The following ABCA4 variants were observed in gnomAD, a reference collection of about 807,000 sequenced individuals.
The protein encoded by ABCA4 is retinal-specific phospholipid-transporting ATPase ABCA4.
In ABCA4, 196 loss-of-function variants were observed where a neutral mutation model predicts 263.7. That is an observed-to-expected ratio of 0.74 (90% CI 0.66 to 0.84). The LOEUF (loss-of-function observed/expected upper bound fraction) is 0.84, where lower values mean the gene tolerates loss of function less well. Ranked by LOEUF, ABCA4 falls within the 40% of genes least tolerant of loss-of-function variation. The pLI, the probability that ABCA4 is intolerant of heterozygous loss-of-function variation, is 0.00. For missense variants in ABCA4, 2,792 were observed against 2,855.1 expected (o/e 0.98, Z 0.50); for synonymous variants, 1,133 against 1,094.2 (o/e 1.04, Z -0.70).
Position 93,996,153 on chromosome 1 carries a change from G to A in ABCA4, c.6772C>T (p.Leu2258Phe), listed in dbSNP as rs757212387. Residue 2258 changes from leucine (L) to phenylalanine (F), a missense_variant, in exon 49 of 50, where the codon CTC (leucine) becomes TTC (phenylalanine). Coordinates refer to ENST00000370225, the MANE Select transcript of ABCA4 (RefSeq NM_000350.3). Reference protein sequence around the residue: ...FAKQQTESHDLPLHPRAAGAS... With the variant: ...FAKQQTESHDFPLHPRAAGAS... ...CCAGCAGCTCGAGGGTGCAGAGGGAGGTCATGACTTTCAGTCTGCTGTTTA... is the reference window on the plus strand; with the variant it reads ...CCAGCAGCTCGAGGGTGCAGAGGGAAGTCATGACTTTCAGTCTGCTGTTTA... 1.9e-6 allele frequency: 3 copies of A among 1,614,034 alleles called. No homozygotes were observed. In the East Asian group the frequency reaches 6.7e-5, roughly 36 times the overall value.
intron 17 of ABCA4, 104 bp from the exon 18 acceptor site, chr1:94,049,061 A>G (rs555058468): frequency 3.7e-6 from 4 of 1,087,144 alleles, no homozygotes; most frequent in Non-Finnish European, 5.6e-6. Flanking sequence ...TTTCCTAGCC[A>G]GCCTTTGACC....
Position 94,043,432 on chromosome 1 carries a change from C to G in ABCA4, c.3094G>C (p.Gly1032Arg), listed in dbSNP as rs771495707. The G allele has an allele frequency of 2.2e-5, 36 of 1,614,072 alleles. No homozygotes were observed. The highest frequency in any genetic ancestry group is 3.0e-5 in the Non-Finnish European group (35 of 1,180,046). The stretch of plus-strand genomic sequence containing the variant: ...AGCTGGGCCTCCTCCTGGGACTTTC[C>G]TTTCAGCTGGGCATAGAACAGCATG... Reference protein sequence around the residue: ...EHMLFYAQLKGKSQEEAQLEM... With the variant: ...EHMLFYAQLKRKSQEEAQLEM... The change falls in exon 21 of 50, where the codon GGA (glycine) becomes CGA (arginine). Residue 1032 changes from glycine (G) to arginine (R), a missense_variant. Physicochemically the swap from Gly to Arg is moderately radical, Grantham distance 125. Coordinates refer to ENST00000370225, the MANE Select transcript of ABCA4 (RefSeq NM_000350.3).
rs1659455791 is a variant in ABCA4 at position 94,008,356 on chromosome 1, A to G, written c.5836-59T>C. The stretch of plus-strand genomic sequence containing the variant: ...AGACAGGGTGAGAGCAAGGAGGGGA[A>G]GAGGGAACAAAGAGCAAAGGATGGT... On this transcript the variant is annotated intron_variant, in intron 41 of 49. Transcript: ENST00000370225. 6.5e-6 allele frequency: 10 copies of G among 1,545,356 alleles called. 1 individual carries two copies. In the South Asian group the frequency reaches 8.9e-5, roughly 14 times the overall value.
At chr1:94,060,486 G>A (rs752874064) in intron 14 of ABCA4, 51 bp downstream of exon 14, 1 of 1,553,276 alleles carries the variant, frequency 6.4e-7, no homozygotes, top group South Asian at 1.1e-5. Context: ...GAGGAAAGGG[G>A]AAAGGAACCA....
chr1:94,060,840 G>A (rs370651117), intron 13 of ABCA4, 81 bp from the exon 14 acceptor site: 6 of 1,198,204 alleles, frequency 5.0e-6, no homozygotes, highest in South Asian at 3.9e-5. Context: ...GAATGAATGT[G>A]TTGAGAACAA....
rs537763846 is a variant in ABCA4, at chr1:94,071,522, T to C, written c.1554+6168A>G. On this transcript the variant is annotated intron_variant, in intron 11 of 49. Transcript: ENST00000370225. The stretch of plus-strand genomic sequence containing the variant: ...GGCAGCTCTGGATTATAATTCCAGA[T>C]CCCCCATTTAGCTGTTGTGTTACAT... Among the ~76,000 whole-genome samples, 10 of 152,328 alleles carry C rather than the reference T, an allele frequency of 6.6e-5. 1 individual carries two copies. In the South Asian group the frequency reaches 2.1e-3, roughly 32 times the overall value.
intron 17 of ABCA4, among the ~76,000 whole-genome samples, chr1:94,050,226 A>G (rs1660798669): frequency 1.3e-5 from 2 of 152,224 alleles, no homozygotes; most frequent in African/African-American, 4.8e-5. Flanking sequence ...TTTACTAGCT[A>G]TCAAACTGCA....
intron 10 of ABCA4, among the ~76,000 whole-genome samples, 194 bp from the exon 11 acceptor site, chr1:94,078,081 T>C (rs1188185515): frequency 6.6e-6 from 1 of 152,146 alleles, no homozygotes; most frequent in African/African-American, 2.4e-5. Flanking sequence ...GTCTCTAGAA[T>C]AGAGGGAAGA....
At chr1:94,037,110 C>A in intron 25 of ABCA4, 35 bp downstream of exon 25, 1 of 1,605,300 alleles carries the variant, frequency 6.2e-7, no homozygotes, top group Non-Finnish European at 8.5e-7. Context: ...CCACTTCTGG[C>A]ACTTGACAGA....
In ABCA4 at chr1:94,062,626, C is replaced by A. The variant is rs1464323794; in HGVS notation, c.1888G>T (p.Val630Phe). 2 of 1,613,986 alleles carry A rather than the reference C, an allele frequency of 1.2e-6. No homozygotes were observed. The highest frequency in any genetic ancestry group is 3.3e-5 in the Admixed American group (2 of 59,996). The change falls in exon 13 of 50, where the codon GTT becomes TTT. Residue 630 changes from valine to phenylalanine, a missense_variant. Transcript: ENST00000370225. ...GGCATCTGCTGGAGGTAGATTCCAA[C>A]TGGAGCCTCCGCCTGCACCTGGCTC... ...TRSQVQAEAPVGIYLQQMPYP... is the reference protein window; with the variant it reads ...TRSQVQAEAPFGIYLQQMPYP...
In ABCA4 at chr1:94,080,539, C is replaced by G; in HGVS notation, c.1038G>C (p.Lys346Asn). The stretch of plus-strand genomic sequence containing the variant: ...TTGTGGAGTCAATCCCCAGAAAGGC[C>G]TTATAGTTATTGTCTTCATACCAGT... ...SFNWYEDNNY[K>N]AFLGIDSTRK... Residue 346 changes from lysine (K) to asparagine (N), a missense_variant, in exon 8 of 50, where the codon AAG becomes AAC. Physicochemically the swap from Lys to Asn is moderately conservative, Grantham distance 94. Coordinates refer to ENST00000370225, the MANE Select transcript of ABCA4 (RefSeq NM_000350.3). The G allele has an allele frequency of 6.2e-7, 1 of 1,614,048 alleles. No individual in the cohort carries two copies. Among genetic ancestry groups the G allele is most frequent in the Non-Finnish European group, 8.5e-7 (1 of 1,180,014 alleles).
In ABCA4 at chr1:94,036,850, C is replaced by T. The variant is rs547369977; in HGVS notation, c.3814-62G>A. On this transcript the variant is annotated intron_variant, in intron 25 of 49. Coordinates refer to ENST00000370225, the MANE Select transcript of ABCA4 (RefSeq NM_000350.3). ...CATTCTTATTCTCAGAAAAATCTAA[C>T]CCAAGCTCTGTTTTGTTGGGTATTG... The T allele has an allele frequency of 1.2e-4, 179 of 1,539,720 alleles. 2 individuals are homozygous for T. The South Asian group carries it at 1.9e-3, about 16-fold the overall frequency.
chr1:94,047,427 A>G (rs948742496), intron 18 of ABCA4, among the ~76,000 whole-genome samples: 1 of 152,214 alleles, frequency 6.6e-6, no homozygotes. Context: ...TATTAAGGAC[A>G]CATAGGCATG....
chr1:94,078,590 T>C lies in ABCA4; in HGVS notation c.1356A>G (p.Arg452=), dbSNP rs1433358781. 1 of 803,658 alleles carries C rather than the reference T, an allele frequency of 1.2e-6. No individual in the cohort carries two copies. The highest frequency in any genetic ancestry group is 2.3e-5 in the Admixed American group (1 of 43,488). 49.8% of individuals were successfully genotyped at this position (803,658 alleles called of 1,614,324 possible). A position where few individuals can be genotyped will look rare whatever the true frequency, so the allele number is the denominator to read the frequency against. The stretch of plus-strand genomic sequence containing the variant: ...CTCCCCATCCTCCAACCCCCCTTAC[T>C]CTGATCATGTTCATCTGTGTGCTGT... The part of the protein sequence containing the change: ...FDNSTQMNMI[R]DTLGNPTVKD... The change falls in exon 10 of 50, where the codon AGA becomes AGG. Residue 452 remains arginine (R), a splice_region_variant and synonymous_variant. Coordinates refer to ENST00000370225, the MANE Select transcript of ABCA4 (RefSeq NM_000350.3).
chr1:94,078,563 C>CCCCAA, intron 10 of ABCA4, 27 bp downstream of exon 10: 1 of 848,340 alleles, frequency 1.2e-6, no homozygotes, highest in South Asian at 1.3e-5. Context: ...TCCTCCCCTC[C>CCCCAA]CCTCCCCATC....
At chr1:94,016,577 G>A (rs978760060) in intron 36 of ABCA4, among the ~76,000 whole-genome samples, 7 of 152,158 alleles carry the variant, frequency 4.6e-5, no homozygotes, top group Non-Finnish European at 1.0e-4. Context: ...AGATAAATGA[G>A]TTGGGAGTGA....
chr1:94,021,474 G>C, intron 34 of ABCA4, 65 bp from the exon 35 acceptor site: 1 of 1,606,856 alleles, frequency 6.2e-7, no homozygotes, highest in Non-Finnish European at 8.5e-7. Context: ...AATCAGTGAA[G>C]GAAAGGAAAT....
intron 11 of ABCA4, among the ~76,000 whole-genome samples, chr1:94,075,569 T>C (rs1447155595): frequency 6.6e-6 from 1 of 152,142 alleles, no homozygotes; most frequent in African/African-American, 2.4e-5. Flanking sequence ...CAGAAAGTCC[T>C]CAAGAGCACC....
At position 94,117,011 on chromosome 1, in the gene ABCA4, T is replaced by TTTCTTTC. The variant is rs1553197156; in HGVS notation, c.67-3952_67-3946dup. The stretch of plus-strand genomic sequence containing the variant: ...CTTTCTTTCTTTCTTTCTTTCTTTC[T>TTTCTTTC]TTCTTTCTTTCTTTCCTTTTCTTTC... On this transcript the variant is annotated intron_variant, in intron 1 of 49. Coordinates refer to ENST00000370225, the MANE Select transcript of ABCA4 (RefSeq NM_000350.3). Among the ~76,000 whole-genome samples, 220 of 137,762 alleles carry TTTCTTTC rather than the reference T, an allele frequency of 1.6e-3. 4 individuals carry two copies. Among genetic ancestry groups the TTTCTTTC allele is most frequent in the African/African-American group, 4.5e-3 (170 of 37,596 alleles). The allele number at this position is 137,762 out of a possible 152,430, so 90.4% of individuals were successfully genotyped here.
Sources: gnomAD v4.1 joint callset for allele counts (sites outside exome capture counted in the v4.1 genomes callset) on GRCh38, gnomAD v4.1.1 for gene constraint, MANE v1.5 for transcripts, NCBI Gene and HGNC (gene_info 2026-07-23, HGNC 2026-07-21) for gene names.